GRK1: variants seen among roughly 807,000 people sequenced by gnomAD.
GRK1 encodes rhodopsin kinase GRK1.
In GRK1, 28 loss-of-function variants were observed where a neutral mutation model predicts 41.7. That is an observed-to-expected ratio of 0.67 (90% CI 0.50 to 0.92). The LOEUF (loss-of-function observed/expected upper bound fraction) is 0.92, where lower values mean the gene tolerates loss of function less well. GRK1 is among the 40% of genes least tolerant of loss of function. The pLI is 0.00. For missense variants in GRK1, 703 were observed against 671.2 expected (o/e 1.05, Z -0.52); for synonymous variants, 327 against 286.7 (o/e 1.14, Z -1.42).
Position 113,667,663 on chromosome 13 carries a change from G to A in GRK1, c.277G>A (p.Glu93Lys), listed in dbSNP as rs752097480. 253 of 1,613,468 alleles carry A rather than the reference G, an allele frequency of 1.6e-4. No individual in the cohort carries two copies. The highest frequency in any genetic ancestry group is 2.0e-4 in the Admixed American group (12 of 60,008). Residue 93 changes from glutamate to lysine, a missense_variant, in exon 1 of 7, where the codon GAG becomes AAG. Glu to Lys is a moderately conservative substitution (Grantham distance 56). Transcript: ENST00000335678. This position sits in a 1 kb window ranked among gnomAD's most constrained non-coding sequence, Gnocchi z 7.5. ...LPALELWKDI[E>K]DYDTADNDLQ... is the part of the protein sequence containing the mutation. ...GGCCCTGGAGCTCTGGAAAGACATC[G>A]AGGACTATGACACGGCAGACAATGA...
rs1394196312 is a variant in GRK1, at chr13:113,733,965, T to C, written c.1396+880T>C. Among the ~76,000 whole-genome samples, 9 of 137,648 alleles carry C rather than the reference T, an allele frequency of 6.5e-5. 1 individual carries two copies. The highest frequency in any genetic ancestry group is 4.3e-4 in the South Asian group (2 of 4,686). 90.3% of individuals were successfully genotyped at this position (137,648 alleles called of 152,430 possible). On this transcript the variant is annotated intron_variant, in intron 6 of 6. Transcript: ENST00000335678. ...GTGTGCGTGTGTGTGCATACGTGTGTGTGCGTGTGTGCGCATGTGTGTGCA... is the reference window on the plus strand; with the variant it reads ...GTGTGCGTGTGTGTGCATACGTGTGCGTGCGTGTGTGCGCATGTGTGTGCA...
Position 113,731,230 on chromosome 13 carries a change from C to G in GRK1, c.1081C>G (p.Pro361Ala). 1 of 1,536,978 alleles carries G rather than the reference C, an allele frequency of 6.5e-7. No individual in the cohort carries two copies. The highest frequency in any genetic ancestry group is 8.7e-7 in the Non-Finnish European group (1 of 1,146,784). Reference sequence around the variant, plus strand: ...TCCCTTGCTGGCAGGTTTCATGGCCCCCGAGCTCCTGCAGGGCGAGGAGTA... The same window carrying G: ...TCCCTTGCTGGCAGGTTTCATGGCCGCCGAGCTCCTGCAGGGCGAGGAGTA... The part of the protein sequence containing the change: ...GYAGTPGFMA[P>A]ELLQGEEYDF... The change falls in exon 5 of 7, where the codon CCC becomes GCC. Residue 361 changes from proline (P) to alanine (A), a missense_variant. By Grantham distance (27) the Pro-to-Ala change is conservative (BLOSUM62 -1). Coordinates refer to ENST00000335678, the MANE Select transcript of GRK1 (RefSeq NM_002929.3). The surrounding 1 kb of genome is among the most constrained non-coding windows in gnomAD (Gnocchi z 5.6).
intron 1 of GRK1, among the ~76,000 whole-genome samples, chr13:113,668,812 C>T (rs2049837438): frequency 6.6e-6 from 1 of 152,250 alleles, no homozygotes; most frequent in African/African-American, 2.4e-5. Context: ...TCCCACCACG[C>T]AGCTGTGTTG....
upstream of GRK1, among the ~76,000 whole-genome samples, chr13:113,663,795 C>G (rs967800498): frequency 8.5e-5 from 13 of 152,232 alleles, no homozygotes; most frequent in African/African-American, 3.1e-4. Context: ...TGTGGCAGCG[C>G]TAAACTCTGG....
At chr13:113,662,578 G>C (rs1190906111), upstream of GRK1, among the ~76,000 whole-genome samples, 1 of 152,196 alleles carries the variant, frequency 6.6e-6, no homozygotes, top group Non-Finnish European at 1.5e-5. Context: ...AACTCCTACA[G>C]CTGTTAAGTG....
chr13:113,725,319 G>T (rs2049884739), intron 4 of GRK1, among the ~76,000 whole-genome samples: 1 of 148,854 alleles, frequency 6.7e-6, no homozygotes, highest in Admixed American at 6.7e-5. Flanking sequence ...GTCAGGGGCG[G>T]GATCCAGGGG....
At chr13:113,670,592 A>G (rs1231412172) in intron 2 of GRK1, among the ~76,000 whole-genome samples, 1 of 151,940 alleles carries the variant, frequency 6.6e-6, no homozygotes, top group Non-Finnish European at 1.5e-5. Flanking sequence ...TGGTGGCCCC[A>G]TTTTTCAGAT....
At chr13:113,662,239 G>T (rs1323324899), upstream of GRK1, among the ~76,000 whole-genome samples, 1 of 152,146 alleles carries the variant, frequency 6.6e-6, no homozygotes, top group Non-Finnish European at 1.5e-5. Flanking sequence ...AATCAGCAAA[G>T]AAAAAGCATT....
upstream of GRK1, among the ~76,000 whole-genome samples, chr13:113,663,202 T>C (rs2049800171): frequency 6.6e-6 from 1 of 152,176 alleles, no homozygotes; most frequent in South Asian, 2.1e-4. Flanking sequence ...TATGTGCAAC[T>C]GATTTCTGAC....
chr13:113,653,356 G>A, the GRK1 span: 1 of 1,614,138 alleles, frequency 6.2e-7, no homozygotes, highest in Non-Finnish European at 8.5e-7. Flanking sequence ...TGTGAGGTCT[G>A]CCCAGGTTCT....
chr13:113,653,461 C>T, the GRK1 span: 54 of 1,592,510 alleles, frequency 3.4e-5, no homozygotes, highest in African/African-American at 1.9e-4. Flanking sequence ...TTGTGCTTAG[C>T]GTCTCCAAAT....
intron 6 of GRK1, among the ~76,000 whole-genome samples, chr13:113,733,510 C>CGTGTGT (rs1014078359): frequency 8.0e-6 from 1 of 124,232 alleles, no homozygotes; most frequent in African/African-American, 4.2e-5. Flanking sequence ...TGTGTGTGCA[C>CGTGTGT]GTGTGTGTGC....
In GRK1 at chr13:113,733,548, C is replaced by T. The variant is rs529886284; in HGVS notation, c.1396+463C>T. Among the ~76,000 whole-genome samples the T allele has an allele frequency of 6.3e-3, 813 of 128,252 alleles. 8 individuals carry two copies. The highest frequency in any genetic ancestry group is 0.016 in the African/African-American group (534 of 34,218). The allele number at this position is 128,252 out of a possible 152,430, so 84.1% of individuals were successfully genotyped here. On this transcript the variant is annotated intron_variant, in intron 6 of 6. Coordinates refer to ENST00000335678, the MANE Select transcript of GRK1 (RefSeq NM_002929.3). Reference sequence around the variant, plus strand: ...GTGTGCGCGTGTGTGCATGCGTGTGCGCGCACGTGTGTCCATGTATGTGTA... The same window carrying T: ...GTGTGCGCGTGTGTGCATGCGTGTGTGCGCACGTGTGTCCATGTATGTGTA...
In GRK1 at chr13:113,733,877, GCA is replaced by G. The variant is rs1566700179; in HGVS notation, c.1396+793_1396+794del. ...TGTGTGCATACGTGTGTGCGTGTGT[GCA>G]TACGTGTGTGCGTGTGTGTATGTGT... On this transcript the variant is annotated intron_variant, in intron 6 of 6. Coordinates refer to ENST00000335678, the MANE Select transcript of GRK1 (RefSeq NM_002929.3). Among the ~76,000 whole-genome samples the G allele has an allele frequency of 5.5e-3, 629 of 115,022 alleles. 17 individuals are homozygous for G. Among genetic ancestry groups the G allele is most frequent in the African/African-American group, 0.025 (568 of 22,962 alleles). 75.5% of individuals were successfully genotyped at this position (115,022 alleles called of 152,430 possible).
At chr13:113,733,558 T>C (rs1175962065) in intron 6 of GRK1, among the ~76,000 whole-genome samples, 1 of 150,902 alleles carries the variant, frequency 6.6e-6, no homozygotes, top group African/African-American at 2.5e-5. Flanking sequence ...CGCGCACGTG[T>C]GTCCATGTAT....
At chr13:113,724,964 G>C (rs934785323) in intron 4 of GRK1, among the ~76,000 whole-genome samples, 1 of 152,250 alleles carries the variant, frequency 6.6e-6, no homozygotes, top group African/African-American at 2.4e-5. Flanking sequence ...CTTCCAGGCC[G>C]AGGGTGAGGG....
intron 6 of GRK1, among the ~76,000 whole-genome samples, chr13:113,733,545 G>A (rs367953261): frequency 0.042 from 6,324 of 151,656 alleles, 449 homozygotes; most frequent in African/African-American, 0.14. Flanking sequence ...GTGCATGCGT[G>A]TGCGCGCACG....
intron 5 of GRK1, among the ~76,000 whole-genome samples, chr13:113,732,530 G>A: frequency 6.6e-6 from 1 of 152,222 alleles, no homozygotes; most frequent in East Asian, 1.9e-4. Flanking sequence ...CAGAGCCACC[G>A]AGGCTTCCGT....
At chr13:113,661,025 G>A in the GRK1 span, among the ~76,000 whole-genome samples, 546 of 152,192 alleles carry the variant, frequency 3.6e-3, 3 homozygotes, top group African/African-American at 0.012. Context: ...ATTGACATTC[G>A]CAGAATACTC....
Sources: allele counts gnomAD v4.1 joint callset (sites outside exome capture counted in the v4.1 genomes callset), GRCh38; gene constraint gnomAD v4.1.1; non-coding constraint Gnocchi (gnomAD v3.1); transcripts MANE v1.5; gene names NCBI Gene and HGNC (gene_info 2026-07-23, HGNC 2026-07-21).